TRARG1: variants seen among roughly 807,000 people sequenced by gnomAD.
TRARG1 encodes trafficking regulator of GLUT4 (SLC2A4) 1 (gene/pseudogene), also known as trafficking regulator of GLUT4 1.
TRARG1 carries 16 observed loss-of-function variants against 13.3 expected under a neutral mutation model. The observed-to-expected ratio is 1.20, with a 90% CI of 0.81 to 1.83. The LOEUF is 1.83. Ranked by LOEUF, TRARG1 falls within the 40% of genes most tolerant of loss-of-function variation. The probability of loss-of-function intolerance (pLI) is 0.00; values close to 1 mark genes in which losing one functional copy is unlikely to be tolerated. For synonymous variants in TRARG1, 113 were observed against 106.2 expected, an observed-to-expected ratio of 1.06 and a Z score of -0.39; for missense variants, 250 against 237.4, an observed-to-expected ratio of 1.05 and a Z score of -0.35.
intron 1 of TRARG1, among the ~76,000 whole-genome samples, chr17:1,283,346 G>A (rs2071997398): frequency 6.6e-6 from 1 of 152,140 alleles, no homozygotes; most frequent in South Asian, 2.1e-4. Flanking sequence ...GTACGTAAGT[G>A]GCAGCGGGGA....
At chr17:1,282,282 GTA>G (rs2071987029) in intron 1 of TRARG1, among the ~76,000 whole-genome samples, 3 of 148,628 alleles carry the variant, frequency 2.0e-5, no homozygotes, top group Admixed American at 1.3e-4. Flanking sequence ...GCACGTATAT[GTA>G]CATATATGTA....
intron 2 of TRARG1, 124 bp from the exon 3 acceptor site, chr17:1,298,127 C>G (rs1567934065): frequency 8.6e-7 from 1 of 1,160,370 alleles, no homozygotes; most frequent in East Asian, 2.4e-5. Context: ...CAAGCCTTAG[C>G]CTTCTCCCCT....
At chr17:1,296,259 C>G (rs779979061) in intron 2 of TRARG1, among the ~76,000 whole-genome samples, 9 of 150,326 alleles carry the variant, frequency 6.0e-5, no homozygotes, top group African/African-American at 2.2e-4. Context: ...TGCAGTGGTG[C>G]GATCTCGGCT....
chr17:1,280,519 C>T lies in TRARG1; in HGVS notation c.387+131C>T, dbSNP rs757523140. The T allele has an allele frequency of 9.4e-5, 97 of 1,029,486 alleles. No individual in the cohort carries two copies. In the Middle Eastern group the frequency reaches 1.8e-3, roughly 19 times the overall value. The allele number at this position is 1,029,486 out of a possible 1,614,324, so 63.8% of individuals were successfully genotyped here. On this transcript the variant is annotated intron_variant, in intron 1 of 2. Coordinates refer to ENST00000333813, the MANE Select transcript of TRARG1 (RefSeq NM_172367.3). ...CTGGGAGTGGGGGGCTTGGGGAAGA[C>T]TCCTTTCCTCACTGGCCTCCTCCTT...
intron 1 of TRARG1, 85 bp downstream of exon 1, chr17:1,280,473 C>A: frequency 7.3e-7 from 1 of 1,367,372 alleles, no homozygotes. Context: ...AAACACTGCC[C>A]AGGGTGTGGA....
intron 2 of TRARG1, among the ~76,000 whole-genome samples, chr17:1,296,331 G>A (rs1439765619): frequency 6.6e-6 from 1 of 151,694 alleles, no homozygotes; most frequent in East Asian, 1.9e-4. Flanking sequence ...TGAGTAGCTG[G>A]GATTACAGGC....
chr17:1,280,021 C>G lies in TRARG1; in HGVS notation c.20C>G (p.Ser7Cys), dbSNP rs765124946. Residue 7 changes from serine (S) to cysteine (C), a missense_variant, in exon 1 of 3, where the codon TCC (serine) becomes TGC (cysteine). Ser to Cys is a moderately radical substitution (Grantham distance 112, BLOSUM62 -1). Coordinates refer to ENST00000333813, the MANE Select transcript of TRARG1 (RefSeq NM_172367.3). ...GCCCCCATGGCCCACCCGGTGCAGT[C>G]CGAGTTTCCTTCAGCACAGGAGCCA... MAHPVQ[S>C]EFPSAQEPGS... 2 of 1,612,562 alleles carry G rather than the reference C, an allele frequency of 1.2e-6. No homozygotes were observed. Among genetic ancestry groups the G allele is most frequent in the African/African-American group, 2.7e-5 (2 of 74,946 alleles).
chr17:1,298,127 C>A, intron 2 of TRARG1, 124 bp from the exon 3 acceptor site: 4 of 1,160,362 alleles, frequency 3.4e-6, no homozygotes, highest in South Asian at 1.5e-5. Context: ...CAAGCCTTAG[C>A]CTTCTCCCCT....
Position 1,294,611 on chromosome 17 carries a change from T to A in TRARG1, c.388-880T>A, listed in dbSNP as rs527248737. Among the ~76,000 whole-genome samples, 671 of 140,112 alleles carry A rather than the reference T, an allele frequency of 4.8e-3. 2 individuals carry two copies. Among genetic ancestry groups the A allele is most frequent in the Non-Finnish European group, 7.8e-3 (505 of 64,986 alleles). 91.9% of individuals were successfully genotyped at this position (140,112 alleles called of 152,430 possible). A position where few individuals can be genotyped will look rare whatever the true frequency, so the allele number is the denominator to read the frequency against. Reference sequence around the variant, plus strand: ...CCTCCTGAGTAGCTGGGACTACAGGTGCACACCACCATGCCCAGCTAATTT... The same window carrying A: ...CCTCCTGAGTAGCTGGGACTACAGGAGCACACCACCATGCCCAGCTAATTT... On this transcript the variant is annotated intron_variant, in intron 1 of 2. Transcript: ENST00000333813.
At position 1,280,186 on chromosome 17, in the gene TRARG1, T is replaced by C. The variant is rs754353569; in HGVS notation, c.185T>C (p.Phe62Ser). 1.2e-6 allele frequency: 2 copies of C among 1,614,026 alleles called. No homozygotes were observed. Among genetic ancestry groups the C allele is most frequent in the South Asian group, 1.1e-5 (1 of 91,054 alleles). ...DLEQNSQGLP[F>S]KAISEGHLEA... The stretch of plus-strand genomic sequence containing the variant: ...GAGCAGAACAGCCAGGGCCTACCCT[T>C]CAAGGCCATCTCCGAGGGGCACCTG... Residue 62 changes from phenylalanine to serine, a missense_variant, in exon 1 of 3, where the codon TTC (phenylalanine) becomes TCC (serine). Transcript: ENST00000333813.
At position 1,293,802 on chromosome 17, in the gene TRARG1, G is replaced by A. The variant is rs140062499; in HGVS notation, c.388-1689G>A. Among the ~76,000 whole-genome samples, 39 of 152,202 alleles carry A rather than the reference G, an allele frequency of 2.6e-4. No homozygotes were observed. In the East Asian group the frequency reaches 7.1e-3, roughly 28 times the overall value. On this transcript the variant is annotated intron_variant, in intron 1 of 2. Transcript: ENST00000333813. ...GGGTGCAGGCTGGTCAGAATTTTGAGCAGTGAAGAGAACAGGACCCCAAGA... is the reference window on the plus strand; with the variant it reads ...GGGTGCAGGCTGGTCAGAATTTTGAACAGTGAAGAGAACAGGACCCCAAGA...
At chr17:1,295,360 G>A in intron 1 of TRARG1, 131 bp from the exon 2 acceptor site, 1 of 1,209,784 alleles carries the variant, frequency 8.3e-7, no homozygotes, top group Non-Finnish European at 1.1e-6. Context: ...CCCCTAGAGT[G>A]TGGGCTGCCA....
At chr17:1,295,658 C>CTT in intron 2 of TRARG1, 35 bp downstream of exon 2, 1 of 1,592,502 alleles carries the variant, frequency 6.3e-7, no homozygotes, top group Middle Eastern at 1.7e-4. Context: ...AGGAAGCCAG[C>CTT]TTGCCTGGTG....
At chr17:1,280,878 C>A (rs1598186628) in intron 1 of TRARG1, among the ~76,000 whole-genome samples, 1 of 152,200 alleles carries the variant, frequency 6.6e-6, no homozygotes, top group South Asian at 2.1e-4. Context: ...GCAGCGGCTT[C>A]CCTGCCGTAC....
intron 2 of TRARG1, 58 bp from the exon 3 acceptor site, chr17:1,298,193 A>C: frequency 6.2e-7 from 1 of 1,610,856 alleles, no homozygotes; most frequent in Non-Finnish European, 8.5e-7. Context: ...CCAGTCAGGG[A>C]CTTGAAGAGC....
In TRARG1 at chr17:1,300,015, G is replaced by A. The variant is rs1028523294; in HGVS notation, c.*1751G>A. 6 of 152,386 alleles carry A rather than the reference G, an allele frequency of 3.9e-5. No homozygotes were observed. Among genetic ancestry groups the A allele is most frequent in the Admixed American group, 3.9e-4 (6 of 15,282 alleles). The allele number at this position is 152,386 out of a possible 1,614,324, so 9.4% of individuals were successfully genotyped here. ...CAGGGGGCCCGGGCTGGTCCTTTGG[G>A]GCTGGTGTTCCTACGTCAGTCCCCA... is the stretch of plus-strand genomic sequence containing the variant. On this transcript the variant is annotated 3_prime_UTR_variant, in exon 3 of 3. Coordinates refer to ENST00000333813, the MANE Select transcript of TRARG1 (RefSeq NM_172367.3).
intron 1 of TRARG1, among the ~76,000 whole-genome samples, chr17:1,282,339 T>C (rs1229816614): frequency 1.3e-5 from 2 of 151,458 alleles, no homozygotes; most frequent in African/African-American, 4.9e-5. Context: ...TGTACGTATA[T>C]GTACATATGC....
intron 2 of TRARG1, among the ~76,000 whole-genome samples, chr17:1,297,936 C>T (rs1294133279): frequency 1.3e-5 from 2 of 152,176 alleles, no homozygotes; most frequent in East Asian, 3.9e-4. Flanking sequence ...AGTCCAGTAA[C>T]TAAGCAGGGA....
At chr17:1,286,589 G>A (rs62091061) in intron 1 of TRARG1, among the ~76,000 whole-genome samples, 21,118 of 116,422 alleles carry the variant, frequency 0.18, 2,548 homozygotes, top group Admixed American at 0.26. Context: ...GGGTGTTATC[G>A]GCCTGTGGGG....
Sources: gnomAD v4.1 joint callset for allele counts (sites outside exome capture counted in the v4.1 genomes callset) on GRCh38, gnomAD v4.1.1 for gene constraint, MANE v1.5 for transcripts, NCBI Gene and HGNC (gene_info 2026-07-23, HGNC 2026-07-21) for gene names.